SGCZ: variants seen among roughly 807,000 people sequenced by gnomAD.
SGCZ encodes sarcoglycan zeta.
Under a neutral mutation model 41.3 loss-of-function variants are expected in SGCZ, and 40 were observed. That is an observed-to-expected ratio of 0.97 (90% CI 0.75 to 1.26). SGCZ has a LOEUF of 1.26. Ranked by LOEUF, SGCZ falls within the 50% of genes most tolerant of loss-of-function variation. The pLI is 0.00. For synonymous variants in SGCZ, 206 were observed against 137.5 expected, an observed-to-expected ratio of 1.50 and a Z score of -3.49; for missense variants, 552 against 369.8, an observed-to-expected ratio of 1.49 and a Z score of -4.04.
chr8:14,147,117 A>T (rs1414240396), intron 5 of SGCZ, among the ~76,000 whole-genome samples: 1 of 152,062 alleles, frequency 6.6e-6, no homozygotes, highest in East Asian at 1.9e-4. Flanking sequence ...TGTACAATAG[A>T]TACACAAAAA....
intron 1 of SGCZ, among the ~76,000 whole-genome samples, chr8:14,894,166 G>C (rs1805114565): frequency 6.6e-6 from 1 of 152,014 alleles, no homozygotes; most frequent in Admixed American, 6.6e-5. Context: ...AAATACAGAA[G>C]ATGTGCAACT....
At chr8:14,558,574 TAGAGAG>T (rs146179658) in intron 1 of SGCZ, among the ~76,000 whole-genome samples, 91 of 99,810 alleles carry the variant, frequency 9.1e-4, no homozygotes, top group Middle Eastern at 6.9e-3. Flanking sequence ...GAATGACTCT[TAGAGAG>T]AGAGAGAGAG....
intron 1 of SGCZ, among the ~76,000 whole-genome samples, chr8:14,846,894 A>G (rs1803131697): frequency 6.6e-6 from 1 of 151,864 alleles, no homozygotes; most frequent in Non-Finnish European, 1.5e-5. Flanking sequence ...ACTCGGTGAA[A>G]CGACATCTCT....
intron 1 of SGCZ, among the ~76,000 whole-genome samples, chr8:15,022,390 C>G (rs969793288): frequency 6.6e-6 from 1 of 152,066 alleles, no homozygotes. Flanking sequence ...TGTCACCACA[C>G]TGGAGTGCAG....
chr8:15,192,216 C>T (rs1253050447), intron 1 of SGCZ, among the ~76,000 whole-genome samples: 2 of 150,556 alleles, frequency 1.3e-5, no homozygotes, highest in African/African-American at 2.5e-5. Context: ...TAGATAGTTG[C>T]CCTGGTGACA....
intron 1 of SGCZ, among the ~76,000 whole-genome samples, chr8:14,803,247 G>A (rs1450571154): frequency 6.6e-6 from 1 of 152,010 alleles, no homozygotes; most frequent in African/African-American, 2.4e-5. Context: ...AATAGGAACA[G>A]CTCCTGTCTA....
At chr8:14,926,362 A>C (rs112761754) in intron 1 of SGCZ, among the ~76,000 whole-genome samples, 4,941 of 152,308 alleles carry the variant, frequency 0.032, 96 homozygotes, top group Middle Eastern at 0.061. Context: ...TATGTTGATA[A>C]GGTAAATACT....
intron 1 of SGCZ, among the ~76,000 whole-genome samples, chr8:14,933,431 CTTTTTTTTT>C (rs11443740): frequency 8.3e-6 from 1 of 120,420 alleles, no homozygotes; most frequent in Admixed American, 9.4e-5. Flanking sequence ...CTTTTTTTTT[CTTTTTTTTT>C]TTTTTTTTGG....
rs558230547 is a variant in SGCZ at position 14,085,491 on chromosome 8, C to A, written c.*4952G>T. Reference sequence around the variant, plus strand: ...AAAAAAACAAAAAATAACTACAGTTCATTATATCTCATTTCCTTTAATGGT... The same window carrying A: ...AAAAAAACAAAAAATAACTACAGTTAATTATATCTCATTTCCTTTAATGGT... On this transcript the variant is annotated 3_prime_UTR_variant, in exon 8 of 8. Coordinates refer to ENST00000382080, the MANE Select transcript of SGCZ (RefSeq NM_139167.4). Among the ~76,000 whole-genome samples, 146 of 151,730 alleles carry A rather than the reference C, an allele frequency of 9.6e-4. No homozygotes were observed. Among genetic ancestry groups the A allele is most frequent in the Non-Finnish European group, 5.9e-4 (40 of 67,738 alleles).
At chr8:14,745,189 T>G (rs1439703030) in intron 1 of SGCZ, among the ~76,000 whole-genome samples, 3 of 146,752 alleles carry the variant, frequency 2.0e-5, no homozygotes, top group Admixed American at 1.4e-4. Context: ...TCATTTTCTG[T>G]TGATGATTTT....
At chr8:14,207,714 T>C (rs1333368728) in intron 4 of SGCZ, among the ~76,000 whole-genome samples, 1 of 150,058 alleles carries the variant, frequency 6.7e-6, no homozygotes, top group Non-Finnish European at 1.5e-5. Flanking sequence ...AGTTACCCTA[T>C]GTTTGAACAC....
At chr8:14,359,638 G>C (rs913941205) in intron 2 of SGCZ, among the ~76,000 whole-genome samples, 6 of 151,960 alleles carry the variant, frequency 3.9e-5, no homozygotes, top group Non-Finnish European at 7.4e-5. Flanking sequence ...AAGGCTGTAA[G>C]TCTCTCAGCA....
rs551646078 is a variant in SGCZ, at chr8:15,170,983, T to C, written c.39+66602A>G. ...TGTGTGTATTCTAACATTCTAAGTA[T>C]TAAATTGATTATTCAGATAATATTT... On this transcript the variant is annotated intron_variant, in intron 1 of 7. Transcript: ENST00000382080. 3.2e-4 allele frequency among the ~76,000 whole-genome samples: 48 copies of C among 152,316 alleles called. 1 individual carries two copies. The highest frequency in any genetic ancestry group is 9.8e-4 in the Admixed American group (15 of 15,292).
chr8:14,386,161 T>C lies in SGCZ; in HGVS notation c.235-61957A>G, dbSNP rs111624329. ...GAGGCCCAACCATATTACACTTGCA[T>C]TTCTCAGGAAAGTGAAGGGAGAACA... On this transcript the variant is annotated intron_variant, in intron 2 of 7. Transcript: ENST00000382080. Among the ~76,000 whole-genome samples the C allele has an allele frequency of 1.1e-4, 17 of 152,272 alleles. 1 individual carries two copies. The highest frequency in any genetic ancestry group is 3.1e-4 in the African/African-American group (13 of 41,544).
intron 1 of SGCZ, among the ~76,000 whole-genome samples, chr8:14,648,945 T>C (rs1470201): frequency 0.65 from 98,940 of 151,920 alleles, 32,725 homozygotes; most frequent in East Asian, 0.85. Context: ...TTGGAGTTTG[T>C]AGAAATATCT....
intron 1 of SGCZ, among the ~76,000 whole-genome samples, chr8:14,782,192 A>G (rs969635454): frequency 6.6e-6 from 1 of 152,190 alleles, no homozygotes; most frequent in Non-Finnish European, 1.5e-5. Context: ...TTTGAAATCT[A>G]TAATCTATGC....
chr8:15,033,819 A>T (rs979376045), intron 1 of SGCZ, among the ~76,000 whole-genome samples: 3 of 152,086 alleles, frequency 2.0e-5, no homozygotes, highest in Non-Finnish European at 4.4e-5. Context: ...CCCAATCAAC[A>T]GATTGACTCC....
At chr8:14,946,303 C>T (rs1800443821) in intron 1 of SGCZ, among the ~76,000 whole-genome samples, 1 of 151,182 alleles carries the variant, frequency 6.6e-6, no homozygotes, top group Non-Finnish European at 1.5e-5. Flanking sequence ...TCATTGGGCT[C>T]GTTCTCTCAT....
chr8:14,300,322 A>G (rs1655768850), intron 3 of SGCZ, among the ~76,000 whole-genome samples: 1 of 151,754 alleles, frequency 6.6e-6, no homozygotes, highest in Admixed American at 6.6e-5. Context: ...AGGAAAGAAC[A>G]AAGAGAGAGA....
Sources: allele counts gnomAD v4.1 joint callset (sites outside exome capture counted in the v4.1 genomes callset), GRCh38; gene constraint gnomAD v4.1.1; transcripts MANE v1.5; gene names NCBI Gene and HGNC (gene_info 2026-07-23, HGNC 2026-07-21).